SGCD: variants seen among roughly 807,000 people sequenced by gnomAD.
SGCD encodes sarcoglycan delta.
In SGCD, 18 loss-of-function variants were observed where a neutral mutation model predicts 36.6. The ratio of observed to expected loss-of-function variants is 0.49; its 90% CI spans 0.34 to 0.73. The LOEUF (loss-of-function observed/expected upper bound fraction) is 0.73, where lower values mean the gene tolerates loss of function less well. Ranked by LOEUF, SGCD falls within the 30% of genes least tolerant of loss-of-function variation. The pLI is 0.01. For synonymous variants in SGCD, 133 were observed against 130.6 expected, an observed-to-expected ratio of 1.02 and a Z score of -0.12; for missense variants, 387 against 346.7, an observed-to-expected ratio of 1.12 and a Z score of -0.92.
At chr5:155,751,268 G>A in the SGCD span, among the ~76,000 whole-genome samples, 10 of 152,190 alleles carry the variant, frequency 6.6e-5, no homozygotes, top group Non-Finnish European at 1.5e-4. Context: ...AGTTTGACAA[G>A]TTATCAATGG....
At chr5:156,507,665 T>C (rs1756759074) in intron 3 of SGCD, among the ~76,000 whole-genome samples, 1 of 152,236 alleles carries the variant, frequency 6.6e-6, no homozygotes, top group Non-Finnish European at 1.5e-5. Context: ...TATGAAATTA[T>C]GGGAATGTTC....
intron 1 of SGCD, among the ~76,000 whole-genome samples, chr5:156,061,919 C>CTTTTTTTTTTTTT (rs757769130): frequency 7.0e-5 from 5 of 71,756 alleles, no homozygotes; most frequent in African/African-American, 1.2e-4. Context: ...GGAGTTTTCA[C>CTTTTTTTTTTTTT]TTTTTTTTTT....
chr5:156,614,782 G>T (rs1432702352), intron 6 of SGCD, among the ~76,000 whole-genome samples: 1 of 152,042 alleles, frequency 6.6e-6, no homozygotes, highest in South Asian at 2.1e-4. Context: ...TTCCTCATGG[G>T]GGGTCTTTGC....
At chr5:155,761,510 A>C in the SGCD span, among the ~76,000 whole-genome samples, 1 of 121,806 alleles carries the variant, frequency 8.2e-6, no homozygotes, top group Non-Finnish European at 1.7e-5. Context: ...CCTCTCCATC[A>C]CCCTCTCCAT....
At position 155,874,113 on chromosome 5, in the gene SGCD, C is replaced by T. The variant is rs144336330; in HGVS notation, c.-282+3689C>T. ...TACAATGTTGCACTTTTTCCCCCTT[C>T]TTTTTCTGTGTAAATTTTTCAAAAG... is the stretch of plus-strand genomic sequence containing the variant. On this transcript the variant is annotated intron_variant, in intron 1 of 9. Transcript: ENST00000517913. Among the ~76,000 whole-genome samples, 556 of 152,132 alleles carry T rather than the reference C, an allele frequency of 3.7e-3. 1 individual carries two copies. The highest frequency in any genetic ancestry group is 9.1e-3 in the South Asian group (44 of 4,812).
At chr5:155,940,960 T>C (rs912657893) in intron 1 of SGCD, among the ~76,000 whole-genome samples, 2 of 152,186 alleles carry the variant, frequency 1.3e-5, no homozygotes, top group Non-Finnish European at 2.9e-5. Context: ...TGTGTTGTTA[T>C]AGCTGAATAC....
intron 6 of SGCD, among the ~76,000 whole-genome samples, chr5:156,603,896 T>C (rs144121450): frequency 6.6e-6 from 1 of 152,198 alleles, no homozygotes; most frequent in African/African-American, 2.4e-5. Flanking sequence ...GTTCTGTAAA[T>C]GTCTATTAGG....
intron 3 of SGCD, among the ~76,000 whole-genome samples, chr5:156,425,181 A>T (rs1773620335): frequency 6.6e-6 from 1 of 152,016 alleles, no homozygotes; most frequent in Non-Finnish European, 1.5e-5. Context: ...TGTTTTCATT[A>T]TCTGTCAGTG....
chr5:155,847,404 T>C, the SGCD span, among the ~76,000 whole-genome samples: 1 of 152,190 alleles, frequency 6.6e-6, no homozygotes, highest in African/African-American at 2.4e-5. Context: ...TTTTGACTTA[T>C]GGCATAGTTA....
intron 7 of SGCD, among the ~76,000 whole-genome samples, chr5:156,679,491 T>A (rs1753640797): frequency 6.6e-6 from 1 of 152,160 alleles, no homozygotes; most frequent in East Asian, 1.9e-4. Flanking sequence ...CATGCCACCC[T>A]TGGGCAATGC....
intron 7 of SGCD, among the ~76,000 whole-genome samples, chr5:156,683,805 C>A (rs1049983406): frequency 1.3e-5 from 2 of 152,158 alleles, no homozygotes; most frequent in African/African-American, 4.8e-5. Context: ...ATAATTGATT[C>A]ATCTCATAAG....
At chr5:156,416,008 C>T (rs1289938011) in intron 3 of SGCD, among the ~76,000 whole-genome samples, 1 of 152,148 alleles carries the variant, frequency 6.6e-6, no homozygotes, top group East Asian at 1.9e-4. Flanking sequence ...TCTCTTAGAG[C>T]AATTACAGTT....
intron 1 of SGCD, among the ~76,000 whole-genome samples, chr5:155,993,993 A>T (rs979154044): frequency 6.6e-6 from 1 of 152,194 alleles, no homozygotes; most frequent in Non-Finnish European, 1.5e-5. Context: ...GAAAAAGAGC[A>T]CGTGGAATGA....
chr5:156,058,791 G>A (rs73302970), intron 1 of SGCD, among the ~76,000 whole-genome samples: 2,591 of 145,928 alleles, frequency 0.018, 231 homozygotes, highest in African/African-American at 0.059. Flanking sequence ...GTTGAAATGA[G>A]ATGATGTCTG....
intron 1 of SGCD, among the ~76,000 whole-genome samples, chr5:156,057,778 C>T (rs1374366756): frequency 6.9e-6 from 1 of 145,712 alleles, no homozygotes; most frequent in Non-Finnish European, 1.5e-5. Flanking sequence ...AATATAATGG[C>T]CATAATGATT....
At chr5:156,141,920 T>C (rs1435387549) in intron 3 of SGCD, among the ~76,000 whole-genome samples, 1 of 152,160 alleles carries the variant, frequency 6.6e-6, no homozygotes, top group Non-Finnish European at 1.5e-5. Flanking sequence ...TGGAGCAGTT[T>C]CCTTCATTTT....
rs1381854434 is a variant in SGCD, at chr5:156,759,920, TC to T, written c.*535del. ...TTAGCTTTAGTAAGGCTGGCTAACT[TC>T]CCCCTCTTCAAGCTAGGAACTGGCA... On this transcript the variant is annotated 3_prime_UTR_variant, in exon 9 of 9. Transcript: ENST00000337851. 6.6e-6 allele frequency: 1 copy of T among 151,904 alleles called. No homozygotes were observed. Among genetic ancestry groups the T allele is most frequent in the Non-Finnish European group, 1.5e-5 (1 of 67,996 alleles). 9.4% of individuals were successfully genotyped at this position (151,904 alleles called of 1,614,324 possible).
At chr5:156,236,451 CTTT>C (rs34510001) in intron 3 of SGCD, among the ~76,000 whole-genome samples, 1 of 142,154 alleles carries the variant, frequency 7.0e-6, no homozygotes. Flanking sequence ...AATTCGTATA[CTTT>C]TTTTTTTTTT....
chr5:156,510,396 T>C (rs1756879171), intron 4 of SGCD, among the ~76,000 whole-genome samples: 1 of 152,216 alleles, frequency 6.6e-6, no homozygotes, highest in South Asian at 2.1e-4. Flanking sequence ...ATATCTGTTA[T>C]ATGCATTGCT....
Sources: gnomAD v4.1 joint callset for allele counts (sites outside exome capture counted in the v4.1 genomes callset) on GRCh38, gnomAD v4.1.1 for gene constraint, MANE v1.5 for transcripts, NCBI Gene and HGNC (gene_info 2026-07-23, HGNC 2026-07-21) for gene names.